The following RPS8 variants were observed in gnomAD, a reference collection of about 807,000 sequenced individuals.
The protein encoded by RPS8 is small ribosomal subunit protein eS8.
For missense variants in RPS8, 141 were observed against 269.7 expected (o/e 0.52, Z 3.34); for synonymous variants, 100 against 100.7 (o/e 0.99, Z 0.04).
At chr1:44,777,335 T>C (rs1650893150) in intron 3 of RPS8, 1 of 376,698 alleles carries the variant, frequency 2.7e-6, no homozygotes, top group Non-Finnish European at 4.9e-6. Flanking sequence ...CCTCCCAAAG[T>C]GCTGGGGTTA....
At chr1:44,777,517 T>C in intron 3 of RPS8, 97 bp from the exon 4 acceptor site, 1 of 953,874 alleles carries the variant, frequency 1.0e-6, no homozygotes, top group East Asian at 2.4e-5. Context: ...GTTCCCTTAT[T>C]TCTCCTTAAG....
rs374603121 is a variant in RPS8, at chr1:44,775,546, C to T, written c.-51C>T. On this transcript the variant is annotated 5_prime_UTR_variant, in exon 1 of 6. Transcript: ENST00000396651. ...AGTAAAGGGGCGGGGCAGCGTTTTA[C>T]AAACCGAACCGTGAATCTTTGCGGT... is the stretch of plus-strand genomic sequence containing the variant. 1 of 1,613,522 alleles carries T rather than the reference C, an allele frequency of 6.2e-7. No homozygotes were observed. The highest frequency in any genetic ancestry group is 8.5e-7 in the Non-Finnish European group (1 of 1,179,544).
chr1:44,775,937 G>A (rs1327948318), intron 1 of RPS8, 97 bp from the exon 2 acceptor site: 2 of 1,131,374 alleles, frequency 1.8e-6, no homozygotes, highest in African/African-American at 1.5e-5. Flanking sequence ...GGAGAGCTGA[G>A]CGTGCGACCG....
intron 3 of RPS8, 76 bp from the exon 4 acceptor site, chr1:44,777,538 G>A: frequency 8.3e-7 from 1 of 1,207,698 alleles, no homozygotes; most frequent in Non-Finnish European, 1.2e-6. Flanking sequence ...GCCTCATGGG[G>A]CTGAAGAACC....
chr1:44,777,935 G>A lies in RPS8; in HGVS notation c.388-65G>A, dbSNP rs745582385. 3.7e-6 allele frequency: 6 copies of A among 1,606,212 alleles called. No individual in the cohort carries two copies. The Admixed American group carries it at 1.0e-4, about 27-fold the overall frequency. ...GAAGGCCAGCACTGGGGTGTGCAGG[G>A]TTCGAGAAAGCTCCCAGGGCCTGCC... is the stretch of plus-strand genomic sequence containing the variant. On this transcript the variant is annotated intron_variant, in intron 4 of 5. Coordinates refer to ENST00000396651, the MANE Select transcript of RPS8 (RefSeq NM_001012.2).
chr1:44,778,139 C>T lies in RPS8; in HGVS notation c.517+10C>T. The T allele has an allele frequency of 1.9e-6, 3 of 1,590,798 alleles. No homozygotes were observed. Among genetic ancestry groups the T allele is most frequent in the East Asian group, 2.3e-5 (1 of 44,162 alleles). On this transcript the variant is annotated intron_variant, in intron 5 of 5. Coordinates refer to ENST00000396651, the MANE Select transcript of RPS8 (RefSeq NM_001012.2). ...CAGGGCAAGCTTCTTGGTGAGAAGG[C>T]TGTTGTGTTGGAGGTGGGGAGTCGC...
At chr1:44,776,872 A>C in intron 3 of RPS8, 98 bp downstream of exon 3, 1 of 872,256 alleles carries the variant, frequency 1.1e-6, no homozygotes. Flanking sequence ...CTATAAGCCC[A>C]GCACGTTGGG....
At position 44,775,574 on chromosome 1, in the gene RPS8, C is replaced by T. The variant is rs1557608088; in HGVS notation, c.-23C>T. On this transcript the variant is annotated 5_prime_UTR_variant, in exon 1 of 6. Transcript: ENST00000396651. ...ACCGAACCGTGAATCTTTGCGGTTT[C>T]TCTTTCCAGCCAGCGCCGAGCGATG... 5.0e-6 allele frequency: 8 copies of T among 1,614,040 alleles called. No individual in the cohort carries two copies. The highest frequency in any genetic ancestry group is 2.2e-5 in the East Asian group (1 of 44,894).
chr1:44,777,824 G>T (rs1438310106), intron 4 of RPS8, 35 bp downstream of exon 4: 6 of 1,609,994 alleles, frequency 3.7e-6, no homozygotes, highest in Non-Finnish European at 5.1e-6. Context: ...TTGTGGGGAG[G>T]GCAGCCTGAC....
intron 1 of RPS8, 150 bp downstream of exon 1, chr1:44,775,750 A>G: frequency 9.1e-7 from 1 of 1,101,424 alleles, no homozygotes; most frequent in Admixed American, 1.8e-5. Context: ...TCGGCCGCCC[A>G]GCCCGTCTCT....
Position 44,778,622 on chromosome 1 carries a change from T to C in RPS8, c.564T>C (p.Tyr188=). The change falls in exon 6 of 6, where the codon TAT becomes TAC. Residue 188 remains tyrosine (Y), a synonymous_variant. Transcript: ENST00000396651. ...GACAGTGTGGCCGAGCAGATGGCTA[T>C]GTGCTAGAGGGCAAAGAGTTGGAGT... ...RPGQCGRADG[Y]VLEGKELEFY... The C allele has an allele frequency of 1.2e-6, 2 of 1,613,856 alleles. No homozygotes were observed. Among genetic ancestry groups the C allele is most frequent in the Non-Finnish European group, 8.5e-7 (1 of 1,179,966 alleles).
In RPS8 at chr1:44,777,943, A is replaced by G; in HGVS notation, c.388-57A>G. On this transcript the variant is annotated intron_variant, in intron 4 of 5. Transcript: ENST00000396651. The stretch of plus-strand genomic sequence containing the variant: ...GCACTGGGGTGTGCAGGGTTCGAGA[A>G]AGCTCCCAGGGCCTGCCTTCCTTCC... 3 of 1,611,050 alleles carry G rather than the reference A, an allele frequency of 1.9e-6. No homozygotes were observed. In the South Asian group the frequency reaches 3.3e-5, roughly 18 times the overall value.
In RPS8 at chr1:44,775,582, A is replaced by C. The variant is rs550212070; in HGVS notation, c.-15A>C. On this transcript the variant is annotated 5_prime_UTR_variant, in exon 1 of 6. Coordinates refer to ENST00000396651, the MANE Select transcript of RPS8 (RefSeq NM_001012.2). ...GTGAATCTTTGCGGTTTCTCTTTCCAGCCAGCGCCGAGCGATGGGTGAGTG... is the reference window on the plus strand; with the variant it reads ...GTGAATCTTTGCGGTTTCTCTTTCCCGCCAGCGCCGAGCGATGGGTGAGTG... The C allele has an allele frequency of 6.2e-7, 1 of 1,613,988 alleles. No individual in the cohort carries two copies. Among genetic ancestry groups the C allele is most frequent in the African/African-American group, 1.3e-5 (1 of 74,904 alleles).
rs1650868490 is a variant in RPS8 at position 44,776,732 on chromosome 1, G to T, written c.169G>T (p.Ala57Ser). The T allele has an allele frequency of 6.2e-7, 1 of 1,612,996 alleles. No individual in the cohort carries two copies. Among genetic ancestry groups the T allele is most frequent in the East Asian group, 2.2e-5 (1 of 44,874 alleles). The change falls in exon 3 of 6, where the codon GCC (alanine) becomes TCC (serine). Residue 57 changes from alanine (A) to serine (S), a missense_variant. Transcript: ENST00000396651. Reference protein sequence around the residue: ...RVRGGNKKYRALRLDVGNFSW... With the variant: ...RVRGGNKKYRSLRLDVGNFSW... ...GCGGGGAGGTAACAAGAAATACCGT[G>T]CCCTGAGGTTGGACGTGGGGAATTT...
At chr1:44,777,500 G>C (rs1557609228) in intron 3 of RPS8, 114 bp from the exon 4 acceptor site, 2 of 831,184 alleles carry the variant, frequency 2.4e-6, no homozygotes, top group African/African-American at 1.7e-5. Context: ...GCTTGTAAAG[G>C]CTGAGAGTTC....
At chr1:44,776,806 A>G (rs760740489) in intron 3 of RPS8, 32 bp downstream of exon 3, 5 of 1,487,362 alleles carry the variant, frequency 3.4e-6, no homozygotes, top group Non-Finnish European at 4.6e-6. Flanking sequence ...TGGGTGGGAA[A>G]ACGCACCTAA....
At chr1:44,777,467 G>A in intron 3 of RPS8, 147 bp from the exon 4 acceptor site, 1 of 671,828 alleles carries the variant, frequency 1.5e-6, no homozygotes, top group Non-Finnish European at 2.6e-6. Flanking sequence ...AGGGGGTTGT[G>A]GAAGACGAAC....
At chr1:44,776,557 C>A (rs1357160730) in intron 2 of RPS8, 118 bp from the exon 3 acceptor site, 5 of 871,084 alleles carry the variant, frequency 5.7e-6, no homozygotes, top group Non-Finnish European at 9.8e-6. Context: ...GTGCCACTTG[C>A]CAATGCAAGG....
Position 44,778,081 on chromosome 1 carries a change from A to C in RPS8, c.469A>C (p.Lys157Gln), listed in dbSNP as rs1384118347. The stretch of plus-strand genomic sequence containing the variant: ...ATATGATGAAAGGAAAAAGAATGCC[A>C]AAATCAGCAGTCTCCTGGAGGAGCA... Reference protein sequence around the residue: ...KKYDERKKNAKISSLLEEQFQ... With the variant: ...KKYDERKKNAQISSLLEEQFQ... The change falls in exon 5 of 6, where the codon AAA (lysine) becomes CAA (glutamine). Residue 157 changes from lysine (K) to glutamine (Q), a missense_variant. By Grantham distance (53) the Lys-to-Gln change is moderately conservative. Transcript: ENST00000396651. 1 of 1,607,194 alleles carries C rather than the reference A, an allele frequency of 6.2e-7. No individual in the cohort carries two copies. The highest frequency in any genetic ancestry group is 1.1e-5 in the South Asian group (1 of 90,346).
Sources: allele counts gnomAD v4.1 joint callset, GRCh38; gene constraint gnomAD v4.1.1; transcripts MANE v1.5; gene names NCBI Gene and HGNC (gene_info 2026-07-23, HGNC 2026-07-21).